Variants in EYS observed in about 807,000 individuals in gnomAD.
EYS encodes protein eyes shut homolog.
A neutral mutation model predicts 282.1 loss-of-function variants in EYS; 250 were observed. That is an observed-to-expected ratio of 0.89 (90% CI 0.80 to 0.98). The LOEUF is 0.98. Among genes scored for constraint, EYS ranks in the 50% least tolerant of loss-of-function variants. EYS has a pLI of 0.00. For missense variants in EYS, 4,016 were observed against 3,709.0 expected, an observed-to-expected ratio of 1.08 and a Z score of -2.15; for synonymous variants, 1,355 against 1,282.9, an observed-to-expected ratio of 1.06 and a Z score of -1.20.
At chr6:63,989,368 T>A (rs1767507768) in intron 34 of EYS, among the ~76,000 whole-genome samples, 1 of 151,762 alleles carries the variant, frequency 6.6e-6, no homozygotes, top group East Asian at 1.9e-4. Flanking sequence ...TTTCACATGT[T>A]AAAAAAGCTT....
At chr6:64,118,192 T>C (rs965559612) in intron 31 of EYS, among the ~76,000 whole-genome samples, 1 of 152,022 alleles carries the variant, frequency 6.6e-6, no homozygotes, top group Non-Finnish European at 1.5e-5. Context: ...GATAAAACTA[T>C]GCTGAAAATT....
At chr6:65,549,558 G>A (rs1043084240) in intron 2 of EYS, among the ~76,000 whole-genome samples, 1 of 152,174 alleles carries the variant, frequency 6.6e-6, no homozygotes, top group Non-Finnish European at 1.5e-5. Flanking sequence ...TCCTAGGGCT[G>A]TCTTTAAGAA....
intron 33 of EYS, among the ~76,000 whole-genome samples, chr6:64,060,376 T>C (rs1243220350): frequency 6.6e-6 from 1 of 152,148 alleles, no homozygotes; most frequent in East Asian, 1.9e-4. Flanking sequence ...CAAGCTGCAA[T>C]GCAGAGGATA....
intron 41 of EYS, among the ~76,000 whole-genome samples, chr6:63,743,562 C>G (rs1287886018): frequency 6.6e-6 from 1 of 152,136 alleles, no homozygotes; most frequent in African/African-American, 2.4e-5. Flanking sequence ...AGTAACCAAG[C>G]ATTCAAGTTG....
At chr6:64,514,499 G>T (rs1777502926) in intron 26 of EYS, among the ~76,000 whole-genome samples, 1 of 151,796 alleles carries the variant, frequency 6.6e-6, no homozygotes, top group South Asian at 2.1e-4. Context: ...TCCAGCAGAA[G>T]ACTTTATATT....
At chr6:64,680,863 C>T (rs1435117913) in intron 22 of EYS, among the ~76,000 whole-genome samples, 1 of 152,116 alleles carries the variant, frequency 6.6e-6, no homozygotes, top group African/African-American at 2.4e-5. Flanking sequence ...ACAGAGTTCC[C>T]AAACCCTCTC....
intron 12 of EYS, among the ~76,000 whole-genome samples, chr6:65,205,306 A>C (rs1351389634): frequency 2.6e-5 from 4 of 151,668 alleles, no homozygotes; most frequent in African/African-American, 9.7e-5. Context: ...ACATTAACAA[A>C]GAATGGCATT....
intron 33 of EYS, among the ~76,000 whole-genome samples, chr6:64,060,237 A>G (rs778576366): frequency 6.6e-6 from 1 of 152,220 alleles, no homozygotes; most frequent in Non-Finnish European, 1.5e-5. Context: ...TTAGAAACAT[A>G]GGTAACATTT....
chr6:65,227,271 T>C (rs1224330227), intron 12 of EYS, among the ~76,000 whole-genome samples: 2 of 152,040 alleles, frequency 1.3e-5, no homozygotes, highest in African/African-American at 4.8e-5. Flanking sequence ...GTCCAGAGTA[T>C]GCAAATTCAG....
At chr6:65,227,167 A>AC (rs945103378) in intron 12 of EYS, among the ~76,000 whole-genome samples, 23 of 152,182 alleles carry the variant, frequency 1.5e-4, no homozygotes, top group African/African-American at 4.8e-4. Context: ...CCAAAAAAAA[A>AC]AAAAAACAAG....
intron 35 of EYS, among the ~76,000 whole-genome samples, chr6:63,886,422 A>G (rs760421445): frequency 6.6e-5 from 10 of 152,154 alleles, no homozygotes; most frequent in Non-Finnish European, 1.5e-4. Flanking sequence ...ACAAAAGGAA[A>G]AAGTTGTATA....
chr6:63,754,871 T>A (rs192518460), intron 41 of EYS, among the ~76,000 whole-genome samples: 22 of 152,374 alleles, frequency 1.4e-4, no homozygotes, highest in African/African-American at 4.8e-4. Flanking sequence ...GACTTTTTAA[T>A]GATCACCATT....
chr6:64,869,919 G>A (rs9342445), intron 19 of EYS, among the ~76,000 whole-genome samples: 13,959 of 151,378 alleles, frequency 0.092, 839 homozygotes, highest in East Asian at 0.32. Flanking sequence ...GAAGTAAGGA[G>A]GTTGACTGAG....
At chr6:64,881,020 T>C (rs947907987) in intron 19 of EYS, among the ~76,000 whole-genome samples, 1 of 151,590 alleles carries the variant, frequency 6.6e-6, no homozygotes, top group Non-Finnish European at 1.5e-5. Flanking sequence ...AGTATTGCCA[T>C]TCTCTGACAC....
chr6:65,662,703 T>C (rs1055600562), intron 1 of EYS, among the ~76,000 whole-genome samples: 10 of 152,138 alleles, frequency 6.6e-5, no homozygotes, highest in African/African-American at 2.4e-4. Context: ...AGTGTTGAAA[T>C]GACTACATGC....
At chr6:64,537,134 A>T (rs372533396) in intron 26 of EYS, among the ~76,000 whole-genome samples, 4,166 of 145,016 alleles carry the variant, frequency 0.029, 106 homozygotes, top group East Asian at 0.085. Flanking sequence ...ATTAGGTATA[A>T]CTCCCAATGC....
intron 2 of EYS, among the ~76,000 whole-genome samples, chr6:65,526,641 T>TA (rs1376780372): frequency 6.6e-6 from 1 of 151,838 alleles, no homozygotes; most frequent in Non-Finnish European, 1.5e-5. Flanking sequence ...CCGTCTCTAC[T>TA]AAAAAATACA....
intron 12 of EYS, among the ~76,000 whole-genome samples, chr6:65,139,628 C>T (rs1273176608): frequency 2.0e-5 from 3 of 152,060 alleles, no homozygotes; most frequent in African/African-American, 7.2e-5. Flanking sequence ...CCCTCATCTT[C>T]AAATGTTGAG....
intron 19 of EYS, among the ~76,000 whole-genome samples, chr6:64,863,967 C>T (rs1335226927): frequency 6.6e-6 from 1 of 152,112 alleles, no homozygotes; most frequent in Non-Finnish European, 1.5e-5. Context: ...ATTCTAATTC[C>T]CTATGCTACA....
Sources: gnomAD v4.1 joint callset for allele counts (sites outside exome capture counted in the v4.1 genomes callset) on GRCh38, gnomAD v4.1.1 for gene constraint, MANE v1.5 for transcripts, NCBI Gene and HGNC (gene_info 2026-07-23, HGNC 2026-07-21) for gene names.